Variants in HHEX observed in about 807,000 individuals in gnomAD.
The protein encoded by HHEX is hematopoietically-expressed homeobox protein HHEX.
HHEX carries 8 observed loss-of-function variants against 27.0 expected under a neutral mutation model. The ratio of observed to expected loss-of-function variants is 0.30; its 90% CI spans 0.17 to 0.54. The LOEUF (loss-of-function observed/expected upper bound fraction) is 0.54. Among genes scored for constraint, HHEX ranks in the 20% least tolerant of loss-of-function variants. HHEX has a pLI of 0.95. For missense variants in HHEX, 326 were observed against 357.2 expected, an observed-to-expected ratio of 0.91 and a Z score of 0.70; for synonymous variants, 164 against 161.5, an observed-to-expected ratio of 1.02 and a Z score of -0.12.
intron 1 of HHEX, among the ~76,000 whole-genome samples, chr10:92,691,164 G>A (rs1845351575): frequency 6.6e-6 from 1 of 152,192 alleles, no homozygotes; most frequent in Non-Finnish European, 1.5e-5. Context: ...TACTTTGGGA[G>A]TAGGAAGCAG....
intron 3 of HHEX, 88 bp downstream of exon 3, chr10:92,692,840 AT>A: frequency 9.2e-7 from 1 of 1,086,278 alleles, no homozygotes; most frequent in African/African-American, 1.6e-5. Context: ...TGCAAAAGTC[AT>A]TTAAGAGACT....
chr10:92,692,880 A>G, intron 3 of HHEX, 128 bp downstream of exon 3: 1 of 767,938 alleles, frequency 1.3e-6, no homozygotes, highest in Non-Finnish European at 2.1e-6. Context: ...GATTAAAAAG[A>G]CAAATAGTCC....
chr10:92,690,109 G>C lies in HHEX; in HGVS notation c.123G>C (p.Gly41=). 3 of 1,547,586 alleles carry C rather than the reference G, an allele frequency of 1.9e-6. No homozygotes were observed. The highest frequency in any genetic ancestry group is 8.7e-7 in the Non-Finnish European group (1 of 1,145,648). The change falls in exon 1 of 4, where the codon GGG becomes GGC. Residue 41 remains glycine, a synonymous_variant. Transcript: ENST00000282728. ...ACATCGAGGACATCCTGGGCCGCGG[G>C]CCCGCCGCGCCCACGCCCGCCCCCA... The part of the protein sequence containing the change: ...PFYIEDILGR[G]PAAPTPAPTL...
intron 3 of HHEX, among the ~76,000 whole-genome samples, chr10:92,693,954 C>T (rs1589623371): frequency 1.3e-5 from 2 of 152,284 alleles, no homozygotes; most frequent in South Asian, 4.1e-4. Context: ...TGTCTACCTT[C>T]TCAGTTGGCA....
At position 92,692,601 on chromosome 10, in the gene HHEX, AG is replaced by A. The variant is rs1169167391; in HGVS notation, c.540+59del. On this transcript the variant is annotated intron_variant, in intron 2 of 3. Coordinates refer to ENST00000282728, the MANE Select transcript of HHEX (RefSeq NM_002729.5). ...CCGGGGAAGGGAAGGCTTCTGGGGT[AG>A]GGGTCGCCGGGCCACCGAGAGAGAG... 1.9e-6 allele frequency: 3 copies of A among 1,608,352 alleles called. No homozygotes were observed. The Admixed American group carries it at 5.0e-5, about 27-fold the overall frequency.
At chr10:92,691,654 G>C (rs921985444) in intron 1 of HHEX, 3 of 152,396 alleles carry the variant, frequency 2.0e-5, no homozygotes, top group East Asian at 3.9e-4. Flanking sequence ...GCCGGGCCTG[G>C]GGGCTAACGT....
chr10:92,694,404 C>A, intron 3 of HHEX, 143 bp from the exon 4 acceptor site: 1 of 649,352 alleles, frequency 1.5e-6, no homozygotes, highest in Non-Finnish European at 2.6e-6. Context: ...GTATGTATCT[C>A]CTGAATAAGA....
rs1036026701 is a variant in HHEX, at chr10:92,690,458, G to A, written c.361+111G>A. The A allele has an allele frequency of 1.3e-5, 17 of 1,288,624 alleles. No homozygotes were observed. The East Asian group carries it at 3.4e-4, about 26-fold the overall frequency. The allele number at this position is 1,288,624 out of a possible 1,614,324, so 79.8% of individuals were successfully genotyped here. On this transcript the variant is annotated intron_variant, in intron 1 of 3. Coordinates refer to ENST00000282728, the MANE Select transcript of HHEX (RefSeq NM_002729.5). ...GGCGGTAGACGGCTGTGGCAAAAGC[G>A]ATGGAAAAGCAGCTGTCGGGCACGC... is the stretch of plus-strand genomic sequence containing the variant.
intron 1 of HHEX, chr10:92,691,718 A>C (rs1375610867): frequency 6.6e-6 from 1 of 152,258 alleles, no homozygotes; most frequent in Non-Finnish European, 1.5e-5. Flanking sequence ...GCGCAGGAGG[A>C]AGCAAAGAGT....
chr10:92,692,622 A>G lies in HHEX; in HGVS notation c.540+76A>G, dbSNP rs980960439. ...GGGTAGGGGTCGCCGGGCCACCGAG[A>G]GAGAGGCGAGGAGCCACCCTGCCCT... On this transcript the variant is annotated intron_variant, in intron 2 of 3. Transcript: ENST00000282728. 1.3e-5 allele frequency: 21 copies of G among 1,604,502 alleles called. No homozygotes were observed. The African/African-American group carries it at 2.6e-4, about 19-fold the overall frequency.
At chr10:92,690,389 C>T in intron 1 of HHEX, 42 bp downstream of exon 1, 1 of 1,394,236 alleles carries the variant, frequency 7.2e-7, no homozygotes, top group Non-Finnish European at 9.3e-7. Flanking sequence ...AAGCGCCACC[C>T]GGCAGGTGGC....
At chr10:92,690,656 G>A (rs1384358805) in intron 1 of HHEX, among the ~76,000 whole-genome samples, 1 of 152,172 alleles carries the variant, frequency 6.6e-6, no homozygotes, top group East Asian at 1.9e-4. Context: ...GACGGGGAAA[G>A]GGGCGTCGAG....
At position 92,690,269 on chromosome 10, in the gene HHEX, G is replaced by T. The variant is rs1290819766; in HGVS notation, c.283G>T (p.Gly95Cys). Residue 95 changes from glycine (G) to cysteine (C), a missense_variant, in exon 1 of 4, where the codon GGC becomes TGC. Gly to Cys is a radical substitution (Grantham distance 159). Coordinates refer to ENST00000282728, the MANE Select transcript of HHEX (RefSeq NM_002729.5). ...AALAAAYGPG[G>C]FGGPLYPFPR... ...GCTGGCCGCTGCCTACGGACCCGGC[G>T]GCTTCGGGGGCCCTCTGTACCCCTT... 1 of 1,555,008 alleles carries T rather than the reference G, an allele frequency of 6.4e-7. No homozygotes were observed. The highest frequency in any genetic ancestry group is 1.9e-5 in the Admixed American group (1 of 51,330).
At position 92,690,120 on chromosome 10, in the gene HHEX, C is replaced by T. The variant is rs1298618123; in HGVS notation, c.134C>T (p.Pro45Leu). The T allele has an allele frequency of 1.3e-6, 2 of 1,548,230 alleles. No individual in the cohort carries two copies. The highest frequency in any genetic ancestry group is 2.4e-5 in the South Asian group (2 of 83,946). ...ATCCTGGGCCGCGGGCCCGCCGCGC[C>T]CACGCCCGCCCCCACGCTGCCGTCC... ...EDILGRGPAA[P>L]TPAPTLPSPN... Residue 45 changes from proline (P) to leucine (L), a missense_variant, in exon 1 of 4, where the codon CCC becomes CTC. Physicochemically the swap from Pro to Leu is moderately conservative, Grantham distance 98. Around this residue, in one of 4 missense-constraint regions of HHEX, gnomAD observed 215 missense variants for 196.4 expected, o/e 1.09. Transcript: ENST00000282728.
intron 1 of HHEX, among the ~76,000 whole-genome samples, chr10:92,690,914 A>T (rs1375797919): frequency 6.6e-6 from 1 of 152,222 alleles, no homozygotes; most frequent in South Asian, 2.1e-4. Flanking sequence ...TCCTCAATAC[A>T]GACAAATTCA....
chr10:92,690,499 G>C, intron 1 of HHEX, 152 bp downstream of exon 1: 1 of 979,192 alleles, frequency 1.0e-6, no homozygotes, highest in South Asian at 2.0e-5. Flanking sequence ...GACGGGAGGC[G>C]CGCGGCCGGG....
At position 92,692,761 on chromosome 10, in the gene HHEX, A is replaced by G. The variant is rs373773105; in HGVS notation, c.591+9A>G. ...GGAGGAGACTAAAACAGGTATGGAC[A>G]TGGTTCTGTTTCTATGGAAATAAAT... On this transcript the variant is annotated intron_variant, in intron 3 of 3. Coordinates refer to ENST00000282728, the MANE Select transcript of HHEX (RefSeq NM_002729.5). The G allele has an allele frequency of 7.5e-6, 12 of 1,606,724 alleles. No individual in the cohort carries two copies. The African/African-American group carries it at 1.3e-4, about 18-fold the overall frequency.
Position 92,690,333 on chromosome 10 carries a change from G to C in HHEX, c.347G>C (p.Arg116Pro), listed in dbSNP as rs1206459587. 45 of 1,498,054 alleles carry C rather than the reference G, an allele frequency of 3.0e-5. No individual in the cohort carries two copies. The highest frequency in any genetic ancestry group is 3.8e-5 in the Non-Finnish European group (43 of 1,118,768). 92.8% of individuals were successfully genotyped at this position (1,498,054 alleles called of 1,614,324 possible). The change falls in exon 1 of 4, where the codon CGC becomes CCC. Residue 116 changes from arginine to proline, a missense_variant. Arg to Pro is a moderately radical substitution (Grantham distance 103, BLOSUM62 -2). This residue lies in a region of HHEX where 215 missense variants were observed against 196.4 expected (regional missense o/e 1.09). Transcript: ENST00000282728. ...AACGACTACACGCACGCCCTGCTCC[G>C]CCACGACCCCCTGGGTAAGGCGGCC... ...TVNDYTHALLRHDPLGKPLLW... is the reference protein window; with the variant it reads ...TVNDYTHALLPHDPLGKPLLW...
In HHEX at chr10:92,690,203, A is replaced by G; in HGVS notation, c.217A>G (p.Thr73Ala). ...CTACCGGACCCCGGTGTACGAGCCCACGCCGATCCATCCAGCCTTCTCGCA... is the reference window on the plus strand; with the variant it reads ...CTACCGGACCCCGGTGTACGAGCCCGCGCCGATCCATCCAGCCTTCTCGCA... ...SPYRTPVYEP[T>A]PIHPAFSHHS... The change falls in exon 1 of 4, where the codon ACG (threonine) becomes GCG (alanine). Residue 73 changes from threonine (T) to alanine (A), a missense_variant. Around this residue, in one of 4 missense-constraint regions of HHEX, gnomAD observed 215 missense variants for 196.4 expected, o/e 1.09. Coordinates refer to ENST00000282728, the MANE Select transcript of HHEX (RefSeq NM_002729.5). 1 of 1,573,692 alleles carries G rather than the reference A, an allele frequency of 6.4e-7. No individual in the cohort carries two copies. The highest frequency in any genetic ancestry group is 8.6e-7 in the Non-Finnish European group (1 of 1,160,808).
Sources: gnomAD v4.1 joint callset for allele counts (sites outside exome capture counted in the v4.1 genomes callset) on GRCh38, gnomAD v4.1.1 for gene constraint, gnomAD v4.1.1 regional missense constraint, MANE v1.5 for transcripts, NCBI Gene and HGNC (gene_info 2026-07-23, HGNC 2026-07-21) for gene names.